The following ZNF687 variants were observed in gnomAD, a reference collection of about 807,000 sequenced individuals.
ZNF687 encodes zinc finger protein 687.
Under a neutral mutation model 71.8 loss-of-function variants are expected in ZNF687, and 13 were observed. The ratio of observed to expected loss-of-function variants is 0.18; its 90% CI spans 0.12 to 0.29. The LOEUF is 0.29. ZNF687 is among the 10% of genes least tolerant of loss of function. ZNF687 has a pLI of 1.00. For synonymous variants in ZNF687, 673 were observed against 641.6 expected (o/e 1.05, Z -0.74); for missense variants, 1,412 against 1,625.6 (o/e 0.87, Z 2.26).
In ZNF687 at chr1:151,287,438, C is replaced by A; in HGVS notation, c.1147C>A (p.Pro383Thr). The A allele has an allele frequency of 6.2e-7, 1 of 1,614,148 alleles. No homozygotes were observed. The highest frequency in any genetic ancestry group is 8.5e-7 in the Non-Finnish European group (1 of 1,180,034). Residue 383 changes from proline (P) to threonine (T), a missense_variant, in exon 2 of 9, where the codon CCA (proline) becomes ACA (threonine). Pro to Thr is a conservative substitution (Grantham distance 38). Transcript: ENST00000336715. The surrounding 1 kb of genome is among the most constrained non-coding windows in gnomAD (Gnocchi z 5.0). ...LSPATPTSEG[P>T]KVVSVQLGDG... is the part of the protein sequence containing the mutation. ...CCCTGCAACACCTACTTCTGAGGGT[C>A]CAAAGGTGGTGAGCGTACAGTTGGG...
In ZNF687 at chr1:151,288,182, C is replaced by A; in HGVS notation, c.1891C>A (p.Pro631Thr). 1 of 1,613,840 alleles carries A rather than the reference C, an allele frequency of 6.2e-7. No homozygotes were observed. Among genetic ancestry groups the A allele is most frequent in the Non-Finnish European group, 8.5e-7 (1 of 1,179,932 alleles). ...VPPVSGPLALPALGKGEGAIT... is the reference protein window; with the variant it reads ...VPPVSGPLALTALGKGEGAIT... The stretch of plus-strand genomic sequence containing the variant: ...ACCTGTCTCTGGACCTCTGGCCTTG[C>A]CTGCCTTGGGCAAGGGTGAGGGGGC... Residue 631 changes from proline to threonine, a missense_variant, in exon 2 of 9, where the codon CCT becomes ACT. Physicochemically the swap from Pro to Thr is conservative, Grantham distance 38. Transcript: ENST00000336715.
rs1175379132 is a variant in ZNF687 at position 151,291,378 on chromosome 1, C to T, written c.*169C>T. ...GAGGATTATTCTAGTTATTTGCAAC[C>T]TCCCTTTGGGTTTGGCCCTGGAGTC... is the stretch of plus-strand genomic sequence containing the variant. On this transcript the variant is annotated 3_prime_UTR_variant, in exon 9 of 9. Coordinates refer to ENST00000336715, the MANE Select transcript of ZNF687 (RefSeq NM_020832.3). 2 of 976,140 alleles carry T rather than the reference C, an allele frequency of 2.0e-6. No homozygotes were observed. The highest frequency in any genetic ancestry group is 5.4e-5 in the East Asian group (2 of 37,252). The allele number at this position is 976,140 out of a possible 1,614,324, so 60.5% of individuals were successfully genotyped here.
upstream of ZNF687, chr1:151,282,013 C>G: frequency 8.0e-7 from 1 of 1,249,230 alleles, no homozygotes. Context: ...GCGACAGTGG[C>G]GGAGGCCAAT....
In ZNF687 at chr1:151,290,558, C is replaced by T; in HGVS notation, c.3204C>T (p.Ser1068=). 6.2e-7 allele frequency: 1 copy of T among 1,613,546 alleles called. No individual in the cohort carries two copies. Among genetic ancestry groups the T allele is most frequent in the Non-Finnish European group, 8.5e-7 (1 of 1,179,818 alleles). ...GGGGGACCACCTTGGCTCGGGGTTC[C>T]AGTGCCAGAGCCCAGGTAGGCAGAG... ...PGRGTTLARG[S]SARAQGPGRK... The change falls in exon 8 of 9, where the codon TCC becomes TCT. Residue 1068 remains serine, a synonymous_variant. Transcript: ENST00000336715.
Position 151,291,233 on chromosome 1 carries a change from G to T in ZNF687, c.*24G>T. 6.4e-7 allele frequency: 1 copy of T among 1,569,662 alleles called. No individual in the cohort carries two copies. The highest frequency in any genetic ancestry group is 8.7e-7 in the Non-Finnish European group (1 of 1,155,902). ...AGTCTCCAAGGCCTGGGACTGACCA[G>T]CCCCTTCCTCTTGGAGCCTGGTTTT... On this transcript the variant is annotated 3_prime_UTR_variant, in exon 9 of 9. Transcript: ENST00000336715.
chr1:151,288,285 C>A lies in ZNF687; in HGVS notation c.1994C>A (p.Pro665Gln), dbSNP rs771386501. 9 of 1,613,404 alleles carry A rather than the reference C, an allele frequency of 5.6e-6. No individual in the cohort carries two copies. The African/African-American group carries it at 6.7e-5, about 12-fold the overall frequency. Reference protein sequence around the residue: ...LPLSTEPPAAPATSAYTCFRC... With the variant: ...LPLSTEPPAAQATSAYTCFRC... ...CTCTCCACAGAGCCGCCTGCTGCCCCGGCCACCTCTGCTTACACATGCTTT... is the reference window on the plus strand; with the variant it reads ...CTCTCCACAGAGCCGCCTGCTGCCCAGGCCACCTCTGCTTACACATGCTTT... The change falls in exon 2 of 9, where the codon CCG becomes CAG. Residue 665 changes from proline to glutamine, a missense_variant. Pro to Gln is a moderately conservative substitution (Grantham distance 76). Around this residue, in one of 8 missense-constraint regions of ZNF687, gnomAD observed 207 missense variants for 239.2 expected, o/e 0.87. Transcript: ENST00000336715.
intron 1 of ZNF687, among the ~76,000 whole-genome samples, chr1:151,282,615 G>A (rs752572935): frequency 1.3e-5 from 2 of 152,188 alleles, no homozygotes; most frequent in Non-Finnish European, 2.9e-5. Context: ...TAAACCCCCA[G>A]GAGGGTCGAG....
chr1:151,288,390 C>T lies in ZNF687; in HGVS notation c.2099C>T (p.Pro700Leu). The T allele has an allele frequency of 3.7e-6, 6 of 1,605,192 alleles. No individual in the cohort carries two copies. Among genetic ancestry groups the T allele is most frequent in the Non-Finnish European group, 5.1e-6 (6 of 1,176,780 alleles). Residue 700 changes from proline to leucine, a missense_variant, in exon 2 of 9, where the codon CCT becomes CTT. Transcript: ENST00000336715. ...TTCCAGCAGCTCGGCCCCCCTGCCC[C>T]TGGGGCCACCAGCAATGTGAGTCAC... The part of the protein sequence containing the change: ...AHFQQLGPPA[P>L]GATSNVCPTC...
At position 151,288,142 on chromosome 1, in the gene ZNF687, G is replaced by T. The variant is rs1571099041; in HGVS notation, c.1851G>T (p.Leu617=). The change falls in exon 2 of 9, where the codon CTG becomes CTT. Residue 617 remains leucine (L), a synonymous_variant. Transcript: ENST00000336715. ...GGCAGCCGGACATCACACCGCTGCTGCCTGTAGCTGTCCCACCTGTCTCTG... is the reference window on the plus strand; with the variant it reads ...GGCAGCCGGACATCACACCGCTGCTTCCTGTAGCTGTCCCACCTGTCTCTG... ...MVGQPDITPL[L]PVAVPPVSGP... is the part of the protein sequence containing the mutation. 3.1e-6 allele frequency: 5 copies of T among 1,613,920 alleles called. No homozygotes were observed. The highest frequency in any genetic ancestry group is 3.3e-4 in the Middle Eastern group (2 of 6,062).
chr1:151,284,744 T>G (rs1693869505), intron 1 of ZNF687, among the ~76,000 whole-genome samples: 3 of 152,094 alleles, frequency 2.0e-5, no homozygotes, highest in African/African-American at 7.2e-5. Flanking sequence ...CAATTTTGTA[T>G]TATGCTCAGA....
intron 1 of ZNF687, chr1:151,283,358 C>T (rs971390177): frequency 2.7e-4 from 265 of 966,498 alleles, no homozygotes; most frequent in Non-Finnish European, 3.1e-4. Flanking sequence ...TGTTCAGCCT[C>T]TTCCTGTTCA....
chr1:151,291,403 C>T lies in ZNF687; in HGVS notation c.*194C>T, dbSNP rs587769223. On this transcript the variant is annotated 3_prime_UTR_variant, in exon 9 of 9. Coordinates refer to ENST00000336715, the MANE Select transcript of ZNF687 (RefSeq NM_020832.3). ...CTCCCTTTGGGTTTGGCCCTGGAGT[C>T]CTAGTAGAGTGGACCCTCCATTCCT... 4.4e-6 allele frequency: 3 copies of T among 687,384 alleles called. No homozygotes were observed. The highest frequency in any genetic ancestry group is 6.3e-5 in the Admixed American group (2 of 31,916). 42.6% of individuals were successfully genotyped at this position (687,384 alleles called of 1,614,324 possible). A position where few individuals can be genotyped will look rare whatever the true frequency, so the allele number is the denominator to read the frequency against.
chr1:151,283,273 A>C (rs900307872), intron 1 of ZNF687: 121 of 985,222 alleles, frequency 1.2e-4, no homozygotes, highest in Non-Finnish European at 1.4e-4. Context: ...AATCGCCGCC[A>C]GCCCCTCGCC....
chr1:151,283,069 T>C (rs1374439297), intron 1 of ZNF687: 1 of 980,588 alleles, frequency 1.0e-6, no homozygotes, highest in Admixed American at 6.1e-5. Flanking sequence ...CCAAAGGGCC[T>C]GGCCTGGCTG....
At chr1:151,290,620 T>TGGAA (rs1694190504) in intron 8 of ZNF687, 47 bp downstream of exon 8, 3 of 1,592,118 alleles carry the variant, frequency 1.9e-6, no homozygotes, top group Non-Finnish European at 2.6e-6. Flanking sequence ...AGTGGGAAAC[T>TGGAA]GGAAGGCAGA....
At position 151,287,338 on chromosome 1, in the gene ZNF687, C is replaced by T; in HGVS notation, c.1047C>T (p.Val349=). The change falls in exon 2 of 9, where the codon GTC becomes GTT. Residue 349 remains valine, a synonymous_variant. Transcript: ENST00000336715. This position sits in a 1 kb window ranked among gnomAD's most constrained non-coding sequence, Gnocchi z 5.0. ...CGNITRTVTQ[V]PSDPDPPAPL... ...ATATCACAAGGACTGTAACTCAGGTCCCCTCAGATCCTGATCCACCTGCCC... is the reference window on the plus strand; with the variant it reads ...ATATCACAAGGACTGTAACTCAGGTTCCCTCAGATCCTGATCCACCTGCCC... 6.2e-7 allele frequency: 1 copy of T among 1,614,200 alleles called. No individual in the cohort carries two copies.
At position 151,286,981 on chromosome 1, in the gene ZNF687, T is replaced by A; in HGVS notation, c.690T>A (p.His230Gln). ...ALKQESCSPH[H>Q]PQVLAQQGSG... Reference sequence around the variant, plus strand: ...AGCAGGAGAGCTGCAGCCCCCATCATCCCCAGGTCCTAGCCCAACAAGGCT... The same window carrying A: ...AGCAGGAGAGCTGCAGCCCCCATCAACCCCAGGTCCTAGCCCAACAAGGCT... The change falls in exon 2 of 9, where the codon CAT (histidine) becomes CAA (glutamine). Residue 230 changes from histidine (H) to glutamine (Q), a missense_variant. Transcript: ENST00000336715. 1 of 1,603,228 alleles carries A rather than the reference T, an allele frequency of 6.2e-7. No homozygotes were observed. Among genetic ancestry groups the A allele is most frequent in the Non-Finnish European group, 8.5e-7 (1 of 1,173,596 alleles).
upstream of ZNF687, chr1:151,281,640 GAACCGCGCGAGGACCCC>G: frequency 2.1e-6 from 1 of 470,148 alleles, no homozygotes; most frequent in Non-Finnish European, 4.4e-6. Context: ...CCCAGGAGCT[GAACCGCGCGAGGACCCC>G]ATCCATCAGA....
At chr1:151,290,594 C>G (rs968799879) in intron 8 of ZNF687, 21 bp downstream of exon 8, 13 of 1,607,550 alleles carry the variant, frequency 8.1e-6, no homozygotes, top group Non-Finnish European at 1.1e-5. Flanking sequence ...GCCCGGCCTG[C>G]TGTGCTAGGG....
Sources: gnomAD v4.1 joint callset for allele counts (sites outside exome capture counted in the v4.1 genomes callset) on GRCh38, gnomAD v4.1.1 for gene constraint, gnomAD v4.1.1 regional missense constraint, Gnocchi (gnomAD v3.1) non-coding constraint, MANE v1.5 for transcripts, NCBI Gene and HGNC (gene_info 2026-07-23, HGNC 2026-07-21) for gene names.